Variants in ATRNL1 observed in about 807,000 individuals in gnomAD.
ATRNL1 encodes attractin-like protein 1.
Under a neutral mutation model 182.7 loss-of-function variants are expected in ATRNL1, and 95 were observed. The ratio of observed to expected loss-of-function variants is 0.52; its 90% CI spans 0.44 to 0.62. ATRNL1 has a LOEUF of 0.62. ATRNL1 is among the 20% of genes least tolerant of loss of function. The pLI is 0.00. For missense variants in ATRNL1, 1,471 were observed against 1,679.5 expected, an observed-to-expected ratio of 0.88 and a Z score of 2.17; for synonymous variants, 576 against 568.3, an observed-to-expected ratio of 1.01 and a Z score of -0.19.
intron 25 of ATRNL1, among the ~76,000 whole-genome samples, chr10:115,536,318 G>C (rs973302504): frequency 6.2e-4 from 95 of 152,310 alleles, no homozygotes; most frequent in African/African-American, 2.2e-3. Flanking sequence ...GGCAATGGCG[G>C]GCGCCCCTCC....
At chr10:115,358,891 C>T (rs1554943517) in intron 19 of ATRNL1, among the ~76,000 whole-genome samples, 1 of 151,652 alleles carries the variant, frequency 6.6e-6, no homozygotes, top group Admixed American at 6.6e-5. Flanking sequence ...TTGACTGTTA[C>T]ATTAGCTTCT....
intron 18 of ATRNL1, among the ~76,000 whole-genome samples, chr10:115,327,716 G>GA (rs782799254): frequency 0.011 from 1,665 of 150,988 alleles, 26 homozygotes; most frequent in African/African-American, 0.038. Flanking sequence ...ACTGGATTAA[G>GA]AAATGTGGCA....
chr10:115,288,522 T>C (rs1179767509), intron 15 of ATRNL1, among the ~76,000 whole-genome samples: 1 of 151,900 alleles, frequency 6.6e-6, no homozygotes, highest in Non-Finnish European at 1.5e-5. Context: ...TGTCTTCTTT[T>C]TTTTTTTTTT....
At chr10:115,112,532 G>C (rs1385900827) in intron 1 of ATRNL1, among the ~76,000 whole-genome samples, 2 of 152,112 alleles carry the variant, frequency 1.3e-5, no homozygotes, top group African/African-American at 4.8e-5. Flanking sequence ...TTTGAAAAGG[G>C]CCCCTATCAG....
intron 20 of ATRNL1, among the ~76,000 whole-genome samples, chr10:115,405,056 C>T: frequency 6.6e-6 from 1 of 152,056 alleles, no homozygotes; most frequent in Non-Finnish European, 1.5e-5. Context: ...TTAGGATATA[C>T]TACCTACAAG....
At chr10:115,409,292 A>G (rs1845015472) in intron 20 of ATRNL1, among the ~76,000 whole-genome samples, 1 of 152,004 alleles carries the variant, frequency 6.6e-6, no homozygotes, top group Admixed American at 6.6e-5. Context: ...CTCCTTGGTT[A>G]TATTTATTTC....
intron 26 of ATRNL1, among the ~76,000 whole-genome samples, chr10:115,603,795 C>G (rs782781815): frequency 6.6e-6 from 1 of 152,084 alleles, no homozygotes; most frequent in Non-Finnish European, 1.5e-5. Context: ...TATCATTTTC[C>G]TTACTCCTGA....
chr10:115,728,477 TTC>T lies in ATRNL1; in HGVS notation c.3903+1126_3903+1127del, dbSNP rs200921278. On this transcript the variant is annotated intron_variant, in intron 27 of 28. Transcript: ENST00000355044. The stretch of plus-strand genomic sequence containing the variant: ...GAAACTCTAGAATTGAAACATTTTA[TTC>T]TCTTTTTTAAAAATGTCTTTATTTG... Among the ~76,000 whole-genome samples the T allele has an allele frequency of 1.6e-4, 25 of 152,234 alleles. 1 individual carries two copies. In the East Asian group the frequency reaches 3.9e-3, roughly 24 times the overall value.
At chr10:115,487,480 G>T (rs1849080686) in intron 24 of ATRNL1, among the ~76,000 whole-genome samples, 2 of 152,018 alleles carry the variant, frequency 1.3e-5, no homozygotes, top group Non-Finnish European at 2.9e-5. Flanking sequence ...TGTATTCCTA[G>T]GTATTTTATT....
At chr10:115,655,015 G>A (rs906864294) in intron 26 of ATRNL1, among the ~76,000 whole-genome samples, 11 of 152,166 alleles carry the variant, frequency 7.2e-5, no homozygotes, top group African/African-American at 2.7e-4. Context: ...GTGAGGAGGA[G>A]TGAAAGAGGG....
intron 24 of ATRNL1, among the ~76,000 whole-genome samples, chr10:115,503,999 A>C (rs1253717443): frequency 6.6e-6 from 1 of 151,964 alleles, no homozygotes; most frequent in Non-Finnish European, 1.5e-5. Context: ...CACCTTTTCA[A>C]AAAGGACACA....
At chr10:115,339,274 G>A (rs1554937600) in intron 19 of ATRNL1, among the ~76,000 whole-genome samples, 3 of 151,840 alleles carry the variant, frequency 2.0e-5, no homozygotes, top group Non-Finnish European at 4.4e-5. Flanking sequence ...TTTTGAGAGG[G>A]ATTGCATTGT....
chr10:115,855,645 C>G (rs189238017), intron 28 of ATRNL1, among the ~76,000 whole-genome samples: 3 of 152,032 alleles, frequency 2.0e-5, no homozygotes, highest in Non-Finnish European at 4.4e-5. Context: ...GTATACTTTA[C>G]GATGTAAAGT....
intron 24 of ATRNL1, among the ~76,000 whole-genome samples, chr10:115,498,354 G>C (rs1849653839): frequency 6.6e-6 from 1 of 151,914 alleles, no homozygotes. Context: ...AGCTATATTG[G>C]ATAATCATAA....
At chr10:115,558,760 T>C (rs75250578) in intron 26 of ATRNL1, among the ~76,000 whole-genome samples, 5,468 of 152,284 alleles carry the variant, frequency 0.036, 144 homozygotes, top group Non-Finnish European at 0.054. Flanking sequence ...TTAAGTTCCC[T>C]GTCTGCAGAC....
intron 15 of ATRNL1, among the ~76,000 whole-genome samples, chr10:115,296,904 C>G (rs75151925): frequency 0.04 from 6,082 of 152,178 alleles, 175 homozygotes; most frequent in South Asian, 0.079. Context: ...TTGCTGTTCT[C>G]AAAGAGCTTA....
At chr10:115,580,646 G>C (rs1335012243) in intron 26 of ATRNL1, among the ~76,000 whole-genome samples, 1 of 151,718 alleles carries the variant, frequency 6.6e-6, no homozygotes, top group Admixed American at 6.6e-5. Context: ...GGTTTGGAAA[G>C]TGTTCAGCCA....
At position 115,838,815 on chromosome 10, in the gene ATRNL1, G is replaced by A. The variant is rs539346513; in HGVS notation, c.3904-9062G>A. On this transcript the variant is annotated intron_variant, in intron 27 of 28. Transcript: ENST00000355044. ...AGTATTTTTTTTAATACCCTAAAAC[G>A]GCAAAGTTTTAGCTCTTGTAGAGTT... 5.3e-5 allele frequency among the ~76,000 whole-genome samples: 8 copies of A among 152,106 alleles called. No individual in the cohort carries two copies. The South Asian group carries it at 1.7e-3, about 32-fold the overall frequency.
chr10:115,331,586 G>C (rs1855224617), intron 18 of ATRNL1, among the ~76,000 whole-genome samples: 1 of 151,900 alleles, frequency 6.6e-6, no homozygotes, highest in South Asian at 2.1e-4. Flanking sequence ...ACCTTGTTTT[G>C]GGCGTTTCAT....
Sources: gnomAD v4.1 joint callset for allele counts (sites outside exome capture counted in the v4.1 genomes callset) on GRCh38, gnomAD v4.1.1 for gene constraint, MANE v1.5 for transcripts, NCBI Gene and HGNC (gene_info 2026-07-23, HGNC 2026-07-21) for gene names.